The following CDH13 variants were observed in gnomAD, a reference collection of about 807,000 sequenced individuals.
The protein encoded by CDH13 is cadherin-13.
A neutral mutation model predicts 63.8 loss-of-function variants in CDH13; 24 were observed. The observed-to-expected ratio is 0.38, with a 90% CI of 0.27 to 0.53. The LOEUF (loss-of-function observed/expected upper bound fraction) is 0.53. Among genes scored for constraint, CDH13 ranks in the 20% least tolerant of loss-of-function variants. The pLI is 0.85. For synonymous variants in CDH13, 503 were observed against 355.3 expected (o/e 1.42, Z -4.67); for missense variants, 1,049 against 903.1 (o/e 1.16, Z -2.07).
At chr16:82,851,784 G>A (rs907712348) in intron 1 of CDH13, among the ~76,000 whole-genome samples, 1 of 152,078 alleles carries the variant, frequency 6.6e-6, no homozygotes, top group Non-Finnish European at 1.5e-5. Flanking sequence ...AGGACTCTGG[G>A]TTTGTGCTCC....
At chr16:83,717,384 T>C (rs1032935279) in intron 10 of CDH13, among the ~76,000 whole-genome samples, 6 of 152,196 alleles carry the variant, frequency 3.9e-5, no homozygotes, top group African/African-American at 1.2e-4. Context: ...TCCCATTGGG[T>C]TCAGTCTGAA....
intron 2 of CDH13, among the ~76,000 whole-genome samples, chr16:82,869,610 A>T (rs537854242): frequency 6.6e-6 from 1 of 152,226 alleles, no homozygotes; most frequent in Non-Finnish European, 1.5e-5. Context: ...TAACTAAAAC[A>T]GTGTGATACT....
chr16:82,911,522 C>T (rs2041828995), intron 2 of CDH13, among the ~76,000 whole-genome samples: 1 of 152,148 alleles, frequency 6.6e-6, no homozygotes, highest in South Asian at 2.1e-4. Flanking sequence ...TTAAATCCTT[C>T]CTCTTCTCTA....
chr16:83,799,028 G>C lies in CDH13; in HGVS notation c.*3998G>C, dbSNP rs1904298630. 1.3e-5 allele frequency: 2 copies of C among 152,076 alleles called. No homozygotes were observed. Among genetic ancestry groups the C allele is most frequent in the African/African-American group, 4.8e-5 (2 of 41,410 alleles). 9.4% of individuals were successfully genotyped at this position (152,076 alleles called of 1,614,324 possible). A position where few individuals can be genotyped will look rare whatever the true frequency, so the allele number is the denominator to read the frequency against. On this transcript the variant is annotated 3_prime_UTR_variant, in exon 14 of 14. Coordinates refer to ENST00000567109, the MANE Select transcript of CDH13 (RefSeq NM_001257.5). ...AATTTAACATCTCAGTTAATCAAAA[G>C]TAGCCGGGCATGGTGACTCATGCCT...
intron 2 of CDH13, among the ~76,000 whole-genome samples, chr16:82,873,446 T>G (rs2040408459): frequency 6.6e-6 from 1 of 152,150 alleles, no homozygotes; most frequent in South Asian, 2.1e-4. Flanking sequence ...TCTTTCACAG[T>G]AAAGTGCTCC....
At chr16:83,200,325 G>A (rs1033191081) in intron 4 of CDH13, among the ~76,000 whole-genome samples, 10 of 152,144 alleles carry the variant, frequency 6.6e-5, no homozygotes, top group African/African-American at 1.2e-4. Context: ...AGCTTGCATC[G>A]ATTGGCTTTT....
At chr16:82,876,977 A>T (rs1322996951) in intron 2 of CDH13, among the ~76,000 whole-genome samples, 1 of 152,182 alleles carries the variant, frequency 6.6e-6, no homozygotes, top group African/African-American at 2.4e-5. Context: ...CAGCTCATAT[A>T]CTATACAGTA....
intron 2 of CDH13, among the ~76,000 whole-genome samples, chr16:82,917,422 G>C (rs1233375759): frequency 6.6e-6 from 1 of 152,112 alleles, no homozygotes; most frequent in East Asian, 1.9e-4. Flanking sequence ...AAGAAAGAAA[G>C]ATTCTTCACA....
At position 83,216,429 on chromosome 16, in the gene CDH13, T is replaced by TATATATATATATATATATATAA. The variant is rs1282063080; in HGVS notation, c.484-901_484-900insTATATAAATATATATATATATA. Reference sequence around the variant, plus strand: ...ATATATATATATATATATATATATATATATATATATATATACACAACCCTA... The same window carrying TATATATATATATATATATATAA: ...ATATATATATATATATATATATATATATATATATATATATATATATAAATATATATATATATACACAACCCTA... On this transcript the variant is annotated intron_variant, in intron 4 of 13. Coordinates refer to ENST00000567109, the MANE Select transcript of CDH13 (RefSeq NM_001257.5). Among the ~76,000 whole-genome samples, 80 of 105,670 alleles carry TATATATATATATATATATATAA rather than the reference T, an allele frequency of 7.6e-4. 4 individuals carry two copies. Among genetic ancestry groups the TATATATATATATATATATATAA allele is most frequent in the Non-Finnish European group, 1.4e-3 (69 of 49,240 alleles). 69.3% of individuals were successfully genotyped at this position (105,670 alleles called of 152,430 possible).
At chr16:82,645,329 G>A (rs1298912313) in intron 1 of CDH13, among the ~76,000 whole-genome samples, 1 of 152,174 alleles carries the variant, frequency 6.6e-6, no homozygotes, top group Non-Finnish European at 1.5e-5. Flanking sequence ...TTCTTCTGGT[G>A]TCACTGTGAA....
intron 4 of CDH13, among the ~76,000 whole-genome samples, chr16:83,137,458 A>G (rs1308823082): frequency 6.6e-6 from 1 of 152,220 alleles, no homozygotes; most frequent in Non-Finnish European, 1.5e-5. Context: ...GCGCTGAGTC[A>G]GGGCCGGAGG....
intron 10 of CDH13, among the ~76,000 whole-genome samples, chr16:83,739,076 C>G (rs1381786239): frequency 2.6e-5 from 4 of 152,156 alleles, no homozygotes; most frequent in Non-Finnish European, 5.9e-5. Flanking sequence ...CAAGGTTGGC[C>G]TCAGCTGGTA....
chr16:83,289,643 C>G (rs1272273226), intron 5 of CDH13, among the ~76,000 whole-genome samples: 2 of 151,974 alleles, frequency 1.3e-5, no homozygotes, highest in African/African-American at 2.4e-5. Flanking sequence ...CACATTCACC[C>G]CAACAGTAGA....
At chr16:83,429,655 G>A (rs536057211) in intron 6 of CDH13, among the ~76,000 whole-genome samples, 1 of 152,302 alleles carries the variant, frequency 6.6e-6, no homozygotes, top group East Asian at 1.9e-4. Context: ...GTGACCAGTT[G>A]TGGCTAATCT....
At chr16:83,359,458 A>C (rs542916661) in intron 6 of CDH13, among the ~76,000 whole-genome samples, 4 of 152,190 alleles carry the variant, frequency 2.6e-5, no homozygotes, top group African/African-American at 9.6e-5. Flanking sequence ...GGAGGGTCTT[A>C]GTGTCGTCAC....
chr16:82,711,519 A>C (rs112456201), intron 1 of CDH13, among the ~76,000 whole-genome samples: 23 of 152,290 alleles, frequency 1.5e-4, no homozygotes, highest in African/African-American at 5.3e-4. Context: ...ATGCCACTTG[A>C]AAAAAGATTA....
intron 1 of CDH13, among the ~76,000 whole-genome samples, chr16:82,654,194 C>A (rs1438264982): frequency 6.6e-6 from 1 of 152,160 alleles, no homozygotes; most frequent in East Asian, 1.9e-4. Context: ...AGAGAGTCAC[C>A]TAGAGATTCT....
chr16:82,946,407 A>G (rs1267547320), intron 2 of CDH13, among the ~76,000 whole-genome samples: 1 of 152,184 alleles, frequency 6.6e-6, no homozygotes, highest in Non-Finnish European at 1.5e-5. Flanking sequence ...GTCCTATTTC[A>G]TCATATAAAA....
At chr16:82,720,741 C>G (rs977540808) in intron 1 of CDH13, among the ~76,000 whole-genome samples, 2 of 151,784 alleles carry the variant, frequency 1.3e-5, no homozygotes, top group Non-Finnish European at 2.9e-5. Context: ...TATATGATGT[C>G]TGGATGTATT....
Sources: gnomAD v4.1 joint callset for allele counts (sites outside exome capture counted in the v4.1 genomes callset) on GRCh38, gnomAD v4.1.1 for gene constraint, MANE v1.5 for transcripts, NCBI Gene and HGNC (gene_info 2026-07-23, HGNC 2026-07-21) for gene names.